ATG7: variants seen among roughly 807,000 people sequenced by gnomAD.
ATG7 encodes the protein autophagy related 7, also known as ubiquitin-like modifier-activating enzyme ATG7.
ATG7 carries 70 observed loss-of-function variants against 82.4 expected under a neutral mutation model. That is an observed-to-expected ratio of 0.85 (90% CI 0.70 to 1.04). ATG7 has a LOEUF of 1.04. Among genes scored for constraint, ATG7 ranks in the 50% least tolerant of loss-of-function variants. The pLI is 0.00. For missense variants in ATG7, 792 were observed against 864.3 expected, an observed-to-expected ratio of 0.92 and a Z score of 1.05; for synonymous variants, 287 against 313.0, an observed-to-expected ratio of 0.92 and a Z score of 0.88.
intron 18 of ATG7, among the ~76,000 whole-genome samples, chr3:11,366,971 C>CTGTGTGTGTGTGTGTGTGTGTGTG (rs60183965): frequency 7.2e-6 from 1 of 139,694 alleles, no homozygotes; most frequent in Non-Finnish European, 1.5e-5. Flanking sequence ...ATGGGAAAAG[C>CTGTGTGTGTGTGTGTGTGTGTGTG]TGTGTGTGTG....
chr3:11,296,025 G>A (rs754904624), intron 3 of ATG7, among the ~76,000 whole-genome samples: 2 of 152,108 alleles, frequency 1.3e-5, no homozygotes, highest in Non-Finnish European at 2.9e-5. Context: ...TGATCCACCC[G>A]CCTTGGCCTC....
At chr3:11,465,503 G>A (rs957474443) in intron 20 of ATG7, among the ~76,000 whole-genome samples, 2 of 151,576 alleles carry the variant, frequency 1.3e-5, no homozygotes, top group African/African-American at 4.9e-5. Context: ...TCAACACTTT[G>A]GGAGGCCGAA....
At chr3:11,536,748 G>C (rs1214018776) in intron 20 of ATG7, among the ~76,000 whole-genome samples, 3 of 152,094 alleles carry the variant, frequency 2.0e-5, no homozygotes, top group Non-Finnish European at 4.4e-5. Flanking sequence ...ACCCTGGTCT[G>C]GTCACCTACG....
intron 18 of ATG7, among the ~76,000 whole-genome samples, chr3:11,376,045 A>G (rs745743548): frequency 1.3e-5 from 2 of 152,266 alleles, no homozygotes; most frequent in Non-Finnish European, 2.9e-5. Context: ...GTAAAGAGGA[A>G]TGAAATGCTG....
At chr3:11,527,634 A>G (rs1043719288) in intron 20 of ATG7, among the ~76,000 whole-genome samples, 18 of 152,204 alleles carry the variant, frequency 1.2e-4, no homozygotes, top group Admixed American at 9.2e-4. Context: ...GAGAGTTACA[A>G]TGTATGCCCC....
chr3:11,561,858 C>T (rs149314612), downstream of ATG7, among the ~76,000 whole-genome samples: 86 of 144,864 alleles, frequency 5.9e-4, no homozygotes, highest in South Asian at 0.012. Context: ...CCTCTCCTAT[C>T]TGAAAGCAAC....
chr3:11,563,304 G>T, the ATG7 span, among the ~76,000 whole-genome samples: 1 of 152,246 alleles, frequency 6.6e-6, no homozygotes, highest in Non-Finnish European at 1.5e-5. Context: ...AGAGAGCCAG[G>T]TTCTGCCTGC....
At chr3:11,292,051 C>T (rs148030354) in intron 3 of ATG7, among the ~76,000 whole-genome samples, 269 of 152,248 alleles carry the variant, frequency 1.8e-3, no homozygotes, top group African/African-American at 6.1e-3. Context: ...GAGTATATCA[C>T]TGCAAGAGCC....
the ATG7 span, among the ~76,000 whole-genome samples, chr3:11,573,245 GAGAAAGAAAGAAAGAAAGAAAGAA>G: frequency 1.4e-3 from 107 of 78,770 alleles, 2 homozygotes; most frequent in Non-Finnish European, 1.0e-3. Flanking sequence ...AAAAGAAATA[GAGAAAGAAAGAAAGAAAGAAAGAA>G]AGAAAGAAAG....
At position 11,379,950 on chromosome 3, in the gene ATG7, G is replaced by A. The variant is rs138339330; in HGVS notation, c.1876-22G>A. 895 of 1,609,374 alleles carry A rather than the reference G, an allele frequency of 5.6e-4. 4 individuals are homozygous for A. The African/African-American group carries it at 0.011, about 20-fold the overall frequency. On this transcript the variant is annotated intron_variant, in intron 18 of 20. Transcript: ENST00000693202. ...GGTCGTTGTGTGTTTGATGTGAATTGTTTTGTTTTGTTTGTTTTTAGATCC... is the reference window on the plus strand; with the variant it reads ...GGTCGTTGTGTGTTTGATGTGAATTATTTTGTTTTGTTTGTTTTTAGATCC...
intron 11 of ATG7, among the ~76,000 whole-genome samples, chr3:11,334,798 A>C (rs1039551733): frequency 1.3e-5 from 2 of 151,524 alleles, no homozygotes; most frequent in Non-Finnish European, 2.9e-5. Context: ...TCTCTACTAA[A>C]AATACAAAAA....
At position 11,333,834 on chromosome 3, in the gene ATG7, G is replaced by A. The variant is rs1465979677; in HGVS notation, c.889+741G>A. Among the ~76,000 whole-genome samples, 4 of 149,094 alleles carry A rather than the reference G, an allele frequency of 2.7e-5. 1 individual carries two copies. The South Asian group carries it at 6.4e-4, about 24-fold the overall frequency. On this transcript the variant is annotated intron_variant, in intron 11 of 20. Coordinates refer to ENST00000693202, the MANE Select transcript of ATG7 (RefSeq NM_001349232.2). ...GTGATCTTGGCTCACTGCAAGCTCC[G>A]CCTCCCGGGTTCATGCCATTCTCCT...
chr3:11,480,008 A>G (rs971015979), intron 20 of ATG7, among the ~76,000 whole-genome samples: 1 of 151,928 alleles, frequency 6.6e-6, no homozygotes, highest in African/African-American at 2.4e-5. Flanking sequence ...GCTTACTGCA[A>G]GTCCCGTCTC....
chr3:11,494,067 G>A (rs924348845), intron 20 of ATG7, among the ~76,000 whole-genome samples: 7 of 152,126 alleles, frequency 4.6e-5, no homozygotes, highest in African/African-American at 1.7e-4. Flanking sequence ...ATTCAGTCTG[G>A]GTCCTGCTGC....
chr3:11,325,372 G>A (rs1950727543), intron 9 of ATG7, among the ~76,000 whole-genome samples: 2 of 152,114 alleles, frequency 1.3e-5, no homozygotes, highest in South Asian at 4.1e-4. Flanking sequence ...GCTAAGTGCA[G>A]TTAAGAATTA....
chr3:11,285,059 C>T (rs911147954), intron 3 of ATG7, among the ~76,000 whole-genome samples: 4 of 150,246 alleles, frequency 2.7e-5, no homozygotes, highest in African/African-American at 7.4e-5. Flanking sequence ...ACCGTGTTAG[C>T]CAGGATGGTC....
chr3:11,342,087 A>T, intron 12 of ATG7, 48 bp from the exon 13 acceptor site: 1 of 1,546,774 alleles, frequency 6.5e-7, no homozygotes. Context: ...TCAGAACAAG[A>T]TTATTGCATA....
At chr3:11,500,590 C>G (rs981301712) in intron 20 of ATG7, among the ~76,000 whole-genome samples, 11 of 152,160 alleles carry the variant, frequency 7.2e-5, no homozygotes, top group African/African-American at 2.7e-4. Context: ...AAGTTCTACA[C>G]GTAAAATTTT....
At chr3:11,552,210 A>T (rs1326621293) in intron 20 of ATG7, among the ~76,000 whole-genome samples, 1 of 152,186 alleles carries the variant, frequency 6.6e-6, no homozygotes, top group Non-Finnish European at 1.5e-5. Flanking sequence ...GTGCTTTGAT[A>T]TTACCTACAA....
Sources: allele counts gnomAD v4.1 joint callset (sites outside exome capture counted in the v4.1 genomes callset), GRCh38; gene constraint gnomAD v4.1.1; transcripts MANE v1.5; gene names NCBI Gene and HGNC (gene_info 2026-07-23, HGNC 2026-07-21).